The following ARHGEF2 variants were observed in gnomAD, a reference collection of about 807,000 sequenced individuals.
ARHGEF2 encodes rho guanine nucleotide exchange factor 2.
In ARHGEF2, 22 loss-of-function variants were observed where a neutral mutation model predicts 121.0. That is an observed-to-expected ratio of 0.18 (90% CI 0.13 to 0.26). The LOEUF is 0.26. Ranked by LOEUF, ARHGEF2 falls within the 10% of genes least tolerant of loss-of-function variation. ARHGEF2 has a pLI of 1.00. For missense variants in ARHGEF2, 907 were observed against 1,336.0 expected, an observed-to-expected ratio of 0.68 and a Z score of 5.01; for synonymous variants, 487 against 530.0, an observed-to-expected ratio of 0.92 and a Z score of 1.11.
chr1:155,956,059 A>G (rs554739256), intron 13 of ARHGEF2, among the ~76,000 whole-genome samples: 1 of 152,074 alleles, frequency 6.6e-6, no homozygotes, highest in Non-Finnish European at 1.5e-5. Context: ...AGATCTGTCA[A>G]CAGGACAGGT....
rs1462974195 is a variant in ARHGEF2 at position 155,965,433 on chromosome 1, C to T, written c.471-21G>A. The T allele has an allele frequency of 2.5e-6, 4 of 1,610,398 alleles. No individual in the cohort carries two copies. The highest frequency in any genetic ancestry group is 1.7e-6 in the Non-Finnish European group (2 of 1,176,688). ...AATGTCTGAAGAAAGTGGAGGCTGT[C>T]TGCATCACCCCCAGTCGGGCAAAAG... On this transcript the variant is annotated intron_variant, in intron 5 of 21. Coordinates refer to ENST00000361247, the MANE Select transcript of ARHGEF2 (RefSeq NM_001162383.2). This position sits in a 1 kb window ranked among gnomAD's most constrained non-coding sequence, Gnocchi z 6.0.
chr1:155,967,829 C>A (rs1373736298), intron 2 of ARHGEF2, among the ~76,000 whole-genome samples: 1 of 152,186 alleles, frequency 6.6e-6, no homozygotes, highest in Non-Finnish European at 1.5e-5. Context: ...AGCTTCCCCT[C>A]CCCCATCCAA....
intron 2 of ARHGEF2, 183 bp downstream of exon 2, chr1:155,968,973 C>A (rs1679968163): frequency 1.5e-6 from 1 of 682,564 alleles, no homozygotes; most frequent in South Asian, 2.0e-5. Context: ...CATATTCCAA[C>A]AGCCACCACC....
At chr1:155,966,058 T>C (rs752770606) in intron 4 of ARHGEF2, among the ~76,000 whole-genome samples, 2 of 152,306 alleles carry the variant, frequency 1.3e-5, no homozygotes, top group South Asian at 4.1e-4. Context: ...ACTGAGGCTC[T>C]GCTCTTTATA....
Position 155,978,192 on chromosome 1 carries a change from CTA to C in ARHGEF2, c.63+171_63+172del. 7.6e-7 allele frequency: 1 copy of C among 1,324,152 alleles called. No individual in the cohort carries two copies. 82.0% of individuals were successfully genotyped at this position (1,324,152 alleles called of 1,614,324 possible). A position where few individuals can be genotyped will look rare whatever the true frequency, so the allele number is the denominator to read the frequency against. On this transcript the variant is annotated intron_variant, in intron 1 of 21. Transcript: ENST00000361247. The surrounding 1 kb of genome is among the most constrained non-coding windows in gnomAD (Gnocchi z 4.1). ...GTCGCGTCTGCCGCTCCCCCCACCCCTACCCACTCGCTCGCAGTCCCCACCCA... is the reference window on the plus strand; with the variant it reads ...GTCGCGTCTGCCGCTCCCCCCACCCCCCCACTCGCTCGCAGTCCCCACCCA...
At chr1:155,967,821 C>G (rs1050709562) in intron 2 of ARHGEF2, among the ~76,000 whole-genome samples, 13 of 152,200 alleles carry the variant, frequency 8.5e-5, no homozygotes, top group Admixed American at 2.0e-4. Context: ...CCCTCTCCAG[C>G]TTCCCCTCCC....
Position 155,978,121 on chromosome 1 carries a change from C to T in ARHGEF2, c.63+244G>A. On this transcript the variant is annotated intron_variant, in intron 1 of 21. Transcript: ENST00000361247. This position sits in a 1 kb window ranked among gnomAD's most constrained non-coding sequence, Gnocchi z 4.1. ...GCACTCGGTCCCGCCGGCTTGGAGG[C>T]GACCAAGCCCAGGTCCGCTCCGCTC... The T allele has an allele frequency of 1.6e-6, 2 of 1,236,864 alleles. No homozygotes were observed. The highest frequency in any genetic ancestry group is 3.3e-5 in the East Asian group (1 of 30,164). 76.6% of individuals were successfully genotyped at this position (1,236,864 alleles called of 1,614,324 possible). A position where few individuals can be genotyped will look rare whatever the true frequency, so the allele number is the denominator to read the frequency against.
Position 155,965,152 on chromosome 1 carries a change from C to T in ARHGEF2, c.581-21G>A. 1.2e-6 allele frequency: 2 copies of T among 1,613,398 alleles called. No homozygotes were observed. The highest frequency in any genetic ancestry group is 1.7e-6 in the Non-Finnish European group (2 of 1,179,544). ...CTCTGCTGGACATTAGCAGGGCAAG[C>T]AACTCAGAGGTCTTGAGTTCCCTTC... On this transcript the variant is annotated intron_variant, in intron 6 of 21. Coordinates refer to ENST00000361247, the MANE Select transcript of ARHGEF2 (RefSeq NM_001162383.2). This position sits in a 1 kb window ranked among gnomAD's most constrained non-coding sequence, Gnocchi z 6.0.
chr1:155,965,597 C>G lies in ARHGEF2; in HGVS notation c.470+34G>C, dbSNP rs778592298. On this transcript the variant is annotated intron_variant, in intron 5 of 21. Transcript: ENST00000361247. This position sits in a 1 kb window ranked among gnomAD's most constrained non-coding sequence, Gnocchi z 6.0. The stretch of plus-strand genomic sequence containing the variant: ...CCCCCTTGGCCTCCACTGCCACACT[C>G]TCTGGCTGCCCCTTTCCCCAAACAG... The G allele has an allele frequency of 1.2e-6, 2 of 1,612,172 alleles. No homozygotes were observed. The highest frequency in any genetic ancestry group is 2.2e-5 in the South Asian group (2 of 90,858).
chr1:155,970,583 C>A, intron 1 of ARHGEF2: 1 of 985,476 alleles, frequency 1.0e-6, no homozygotes, highest in Non-Finnish European at 1.2e-6. Context: ...AGGACCTGGA[C>A]TGGGGACAGA....
At chr1:155,975,464 CT>C (rs1681143828) in intron 1 of ARHGEF2, among the ~76,000 whole-genome samples, 1 of 152,028 alleles carries the variant, frequency 6.6e-6, no homozygotes, top group Admixed American at 6.6e-5. Flanking sequence ...CTCCCTTCCC[CT>C]ATCCTCACTT....
chr1:155,970,518 T>A, intron 1 of ARHGEF2: 1 of 985,428 alleles, frequency 1.0e-6, no homozygotes. Flanking sequence ...TTTCCCAGGC[T>A]CTCAGAAATC....
chr1:155,966,492 G>C lies in ARHGEF2; in HGVS notation c.277-13C>G, dbSNP rs993725988. ...CCGCTTTCTGTTGCTGTGAGACAGA[G>C]AGCAGGAGAGAGATACCAAGAATGG... On this transcript the variant is annotated splice_polypyrimidine_tract_variant and intron_variant, in intron 3 of 21. Transcript: ENST00000361247. 11 of 1,613,790 alleles carry C rather than the reference G, an allele frequency of 6.8e-6. No individual in the cohort carries two copies. The African/African-American group carries it at 9.3e-5, about 14-fold the overall frequency.
chr1:155,960,295 C>G (rs980784644), intron 11 of ARHGEF2, among the ~76,000 whole-genome samples: 1 of 152,024 alleles, frequency 6.6e-6, no homozygotes, highest in African/African-American at 2.4e-5. Context: ...ATAGCAAGAT[C>G]TTATCTCTAC....
chr1:155,962,014 C>A lies in ARHGEF2; in HGVS notation c.1219+91G>T, dbSNP rs1489122162. On this transcript the variant is annotated intron_variant, in intron 10 of 21. Coordinates refer to ENST00000361247, the MANE Select transcript of ARHGEF2 (RefSeq NM_001162383.2). The surrounding 1 kb of genome is among the most constrained non-coding windows in gnomAD (Gnocchi z 5.8). The stretch of plus-strand genomic sequence containing the variant: ...TTTAGAGGCTGCCCAGGGTTTCACA[C>A]CCGACCCCACCCTTCCTGTGGTCAT... 1 of 1,601,426 alleles carries A rather than the reference C, an allele frequency of 6.2e-7. No homozygotes were observed. Among genetic ancestry groups the A allele is most frequent in the Non-Finnish European group, 8.5e-7 (1 of 1,171,170 alleles).
chr1:155,969,080 G>A (rs932386642), intron 2 of ARHGEF2, 76 bp downstream of exon 2: 58 of 1,567,408 alleles, frequency 3.7e-5, no homozygotes, highest in Non-Finnish European at 4.8e-5. Context: ...CATGGATCCA[G>A]GCAGAAAAAA....
chr1:155,952,361 C>T, intron 15 of ARHGEF2, 126 bp from the exon 16 acceptor site: 1 of 1,369,186 alleles, frequency 7.3e-7, no homozygotes, highest in Non-Finnish European at 9.9e-7. Flanking sequence ...AGTGGGGTTT[C>T]ACTCACACAA....
chr1:155,956,759 C>A (rs1011204313), intron 13 of ARHGEF2, among the ~76,000 whole-genome samples: 34 of 150,090 alleles, frequency 2.3e-4, no homozygotes, highest in African/African-American at 8.1e-4. Flanking sequence ...ATATCAAGAC[C>A]ATCCTGGCCA....
Position 155,950,219 on chromosome 1 carries a change from GC to G in ARHGEF2, c.2887+79del. 6.5e-7 allele frequency: 1 copy of G among 1,534,506 alleles called. No individual in the cohort carries two copies. On this transcript the variant is annotated intron_variant, in intron 21 of 21. Coordinates refer to ENST00000361247, the MANE Select transcript of ARHGEF2 (RefSeq NM_001162383.2). The surrounding 1 kb of genome is among the most constrained non-coding windows in gnomAD (Gnocchi z 5.2). ...CTACAAGCCTCACAGGTCAGTTAGG[GC>G]CCATTTGGAAGCCACAGCCCAATGG...
Sources: gnomAD v4.1 joint callset for allele counts (sites outside exome capture counted in the v4.1 genomes callset) on GRCh38, gnomAD v4.1.1 for gene constraint, Gnocchi (gnomAD v3.1) non-coding constraint, MANE v1.5 for transcripts, NCBI Gene and HGNC (gene_info 2026-07-23, HGNC 2026-07-21) for gene names.